EDIL3: variants seen among roughly 807,000 people sequenced by gnomAD.
The protein encoded by EDIL3 is EGF like and discoidin domains 3, also known as EGF-like repeat and discoidin I-like domain-containing protein 3.
Under a neutral mutation model 67.4 loss-of-function variants are expected in EDIL3, and 37 were observed. The ratio of observed to expected loss-of-function variants is 0.55; its 90% CI spans 0.42 to 0.72. EDIL3 has a LOEUF of 0.72. Among genes scored for constraint, EDIL3 ranks in the 30% least tolerant of loss-of-function variants. The probability of loss-of-function intolerance (pLI) is 0.00; values close to 1 mark genes in which losing one functional copy is unlikely to be tolerated. For synonymous variants in EDIL3, 195 were observed against 196.3 expected (o/e 0.99, Z 0.05); for missense variants, 527 against 586.3 (o/e 0.90, Z 1.04).
At chr5:84,208,358 A>C (rs1744031467) in intron 3 of EDIL3, among the ~76,000 whole-genome samples, 1 of 152,196 alleles carries the variant, frequency 6.6e-6, no homozygotes, top group South Asian at 2.1e-4. Flanking sequence ...ATACCATCTC[A>C]CACCAGTTAC....
intron 1 of EDIL3, among the ~76,000 whole-genome samples, chr5:84,361,270 AACACACACAC>A (rs10553087): frequency 1.2e-4 from 18 of 147,498 alleles, no homozygotes; most frequent in Admixed American, 2.7e-4. Flanking sequence ...AGGTCATTAC[AACACACACAC>A]ACACACACAC....
At chr5:84,228,679 T>C (rs1286029151) in intron 3 of EDIL3, among the ~76,000 whole-genome samples, 1 of 152,184 alleles carries the variant, frequency 6.6e-6, no homozygotes, top group Non-Finnish European at 1.5e-5. Context: ...CATTTATATA[T>C]CCTTGGAATT....
intron 1 of EDIL3, among the ~76,000 whole-genome samples, chr5:84,326,456 T>C (rs1746758288): frequency 6.6e-6 from 1 of 151,938 alleles, no homozygotes; most frequent in Non-Finnish European, 1.5e-5. Context: ...TATAGATGGA[T>C]TGTGGTCATG....
chr5:84,100,052 C>T (rs1194707705), intron 6 of EDIL3, among the ~76,000 whole-genome samples: 4 of 151,910 alleles, frequency 2.6e-5, no homozygotes, highest in African/African-American at 4.8e-5. Context: ...GTTAGAATGG[C>T]GATCATTAAA....
At chr5:84,166,612 A>G (rs1748708423) in intron 4 of EDIL3, among the ~76,000 whole-genome samples, 1 of 152,206 alleles carries the variant, frequency 6.6e-6, no homozygotes, top group Non-Finnish European at 1.5e-5. Flanking sequence ...TCTAAAGAGA[A>G]GAAAAATATT....
intron 2 of EDIL3, among the ~76,000 whole-genome samples, chr5:84,237,495 G>T (rs1361017482): frequency 6.6e-6 from 1 of 152,038 alleles, no homozygotes; most frequent in Non-Finnish European, 1.5e-5. Flanking sequence ...ACCACAAGCA[G>T]AATTTTGAAG....
chr5:84,354,994 G>T (rs1447057339), intron 1 of EDIL3, among the ~76,000 whole-genome samples: 1 of 152,056 alleles, frequency 6.6e-6, no homozygotes, highest in Non-Finnish European at 1.5e-5. Flanking sequence ...TATCTTTGTG[G>T]TGTTCTCTAT....
At chr5:84,129,417 G>A (rs918074083) in intron 5 of EDIL3, among the ~76,000 whole-genome samples, 4 of 151,826 alleles carry the variant, frequency 2.6e-5, no homozygotes, top group Non-Finnish European at 5.9e-5. Flanking sequence ...TATATTTATA[G>A]GTAGATTTTA....
At chr5:84,032,836 T>G (rs747270652) in intron 9 of EDIL3, among the ~76,000 whole-genome samples, 4 of 152,212 alleles carry the variant, frequency 2.6e-5, no homozygotes, top group Non-Finnish European at 5.9e-5. Context: ...TGCTGTTATG[T>G]TTCTCCCATC....
At chr5:84,041,309 G>C (rs1746115952) in intron 9 of EDIL3, among the ~76,000 whole-genome samples, 1 of 151,728 alleles carries the variant, frequency 6.6e-6, no homozygotes, top group Non-Finnish European at 1.5e-5. Context: ...CAGAATCTCT[G>C]GGGATAAAAT....
intron 6 of EDIL3, among the ~76,000 whole-genome samples, chr5:84,096,215 C>T (rs1413671312): frequency 6.6e-6 from 1 of 152,262 alleles, no homozygotes; most frequent in East Asian, 1.9e-4. Context: ...AGAAGAGGGC[C>T]ACCATCCTAG....
chr5:84,317,432 A>G (rs1463302741), intron 1 of EDIL3, among the ~76,000 whole-genome samples: 1 of 152,228 alleles, frequency 6.6e-6, no homozygotes, highest in East Asian at 1.9e-4. Context: ...AGGGGATATT[A>G]CCACTGATCC....
chr5:84,256,093 G>T (rs1441442425), intron 1 of EDIL3, among the ~76,000 whole-genome samples: 1 of 151,296 alleles, frequency 6.6e-6, no homozygotes, highest in African/African-American at 2.4e-5. Flanking sequence ...CAGTAGACTT[G>T]CTATCATTTA....
intron 1 of EDIL3, among the ~76,000 whole-genome samples, chr5:84,346,578 G>A (rs986860437): frequency 5.9e-5 from 9 of 152,192 alleles, no homozygotes; most frequent in Non-Finnish European, 1.3e-4. Context: ...AGTTTTGCCT[G>A]CTTGACTTTC....
intron 4 of EDIL3, among the ~76,000 whole-genome samples, chr5:84,158,165 A>G (rs1748528048): frequency 6.6e-6 from 1 of 152,092 alleles, no homozygotes; most frequent in African/African-American, 2.4e-5. Flanking sequence ...ACTGGTTTAT[A>G]AATCCATCAA....
chr5:84,339,613 T>C (rs1259996619), intron 1 of EDIL3, among the ~76,000 whole-genome samples: 1 of 152,152 alleles, frequency 6.6e-6, no homozygotes, highest in Non-Finnish European at 1.5e-5. Context: ...GTGTTTTTTT[T>C]TAATTTTTGA....
At chr5:84,354,694 A>T (rs1208541606) in intron 1 of EDIL3, among the ~76,000 whole-genome samples, 2 of 151,630 alleles carry the variant, frequency 1.3e-5, no homozygotes, top group Non-Finnish European at 2.9e-5. Flanking sequence ...AATTAACTTT[A>T]TAATTTTTTG....
chr5:84,254,125 T>C lies in EDIL3; in HGVS notation c.155A>G (p.Asp52Gly). 1 of 1,613,036 alleles carries C rather than the reference T, an allele frequency of 6.2e-7. No individual in the cohort carries two copies. Among genetic ancestry groups the C allele is most frequent in the Non-Finnish European group, 8.5e-7 (1 of 1,179,448 alleles). The change falls in exon 2 of 11, where the codon GAT (aspartate) becomes GGT (glycine). Residue 52 changes from aspartate (D) to glycine (G), a missense_variant. This residue lies in a region of EDIL3 where 494 missense variants were observed against 522.5 expected (regional missense o/e 0.95). Transcript: ENST00000296591. Reference sequence around the variant, plus strand: ...AGAACAGTTGGGGTCTGTGAAGCCATCTGGACACTCACAGGAAAAGGAACC... The same window carrying C: ...AGAACAGTTGGGGTCTGTGAAGCCACCTGGACACTCACAGGAAAAGGAACC... ...ADGSFSCECP[D>G]GFTDPNCSSV...
rs921707382 is a variant in EDIL3 at position 83,960,722 on chromosome 5, G to A, written c.1293+2483C>T. ...GAAGCAATCACAAAAATAGCAAAAC[G>A]TTATGGCTGATGATTCAATAAACAC... On this transcript the variant is annotated intron_variant, in intron 10 of 10. Transcript: ENST00000296591. Among the ~76,000 whole-genome samples the A allele has an allele frequency of 9.9e-5, 15 of 150,840 alleles. 1 individual carries two copies. Among genetic ancestry groups the A allele is most frequent in the Admixed American group, 2.0e-4 (3 of 15,072 alleles).
Sources: gnomAD v4.1 joint callset for allele counts (sites outside exome capture counted in the v4.1 genomes callset) on GRCh38, gnomAD v4.1.1 for gene constraint, gnomAD v4.1.1 regional missense constraint, MANE v1.5 for transcripts, NCBI Gene and HGNC (gene_info 2026-07-23, HGNC 2026-07-21) for gene names.